The following TRAPPC9 variants were observed in gnomAD, a reference collection of about 807,000 sequenced individuals.
TRAPPC9 encodes trafficking protein particle complex subunit 9, also known as IKK2 binding protein.
A neutral mutation model predicts 124.0 loss-of-function variants in TRAPPC9; 83 were observed. The ratio of observed to expected loss-of-function variants is 0.67; its 90% confidence interval spans 0.56 to 0.80. TRAPPC9 has a LOEUF of 0.80. Ranked by LOEUF, TRAPPC9 falls within the 30% of genes least tolerant of loss-of-function variation. The pLI, the probability that TRAPPC9 is intolerant of heterozygous loss-of-function variation, is 0.00. For synonymous variants in TRAPPC9, 638 were observed against 617.5 expected (o/e 1.03, Z -0.49); for missense variants, 1,302 against 1,508.3 (o/e 0.86, Z 2.27).
At chr8:139,882,375 G>C (rs1231725669) in intron 21 of TRAPPC9, among the ~76,000 whole-genome samples, 1 of 152,096 alleles carries the variant, frequency 6.6e-6, no homozygotes, top group Non-Finnish European at 1.5e-5. Flanking sequence ...AGGACCCCTG[G>C]CTCCACCAAA....
chr8:140,098,475 G>A (rs1228065381), intron 17 of TRAPPC9: 1 of 152,084 alleles, frequency 6.6e-6, no homozygotes, highest in Non-Finnish European at 1.5e-5. Context: ...GCCCCCCAGG[G>A]TTCTCCGCTG....
intron 17 of TRAPPC9, among the ~76,000 whole-genome samples, chr8:140,200,517 T>A (rs140270239): frequency 1.5e-3 from 222 of 152,050 alleles, no homozygotes; most frequent in African/African-American, 5.2e-3. Context: ...AAGGTCAACA[T>A]CACCAACAAG....
chr8:140,143,998 A>C (rs547863313), intron 17 of TRAPPC9, among the ~76,000 whole-genome samples: 1 of 152,358 alleles, frequency 6.6e-6, no homozygotes, highest in East Asian at 1.9e-4. Flanking sequence ...AAACTTCTCT[A>C]TACCTATAAA....
At chr8:139,851,252 T>C (rs773348899) in intron 21 of TRAPPC9, among the ~76,000 whole-genome samples, 11 of 152,224 alleles carry the variant, frequency 7.2e-5, no homozygotes, top group Non-Finnish European at 5.9e-5. Context: ...AACAGCATAC[T>C]TTCTTGAACT....
At chr8:140,134,045 C>T (rs975378993) in intron 17 of TRAPPC9, among the ~76,000 whole-genome samples, 1 of 151,686 alleles carries the variant, frequency 6.6e-6, no homozygotes, top group Non-Finnish European at 1.5e-5. Context: ...AAAAAATGAC[C>T]CTCAATTTCT....
At position 140,383,391 on chromosome 8, in the gene TRAPPC9, T is replaced by C. The variant is rs117208833; in HGVS notation, c.1135-12211A>G. Among the ~76,000 whole-genome samples the C allele has an allele frequency of 2.7e-3, 408 of 152,188 alleles. 17 individuals carry two copies. The East Asian group carries it at 0.073, about 27-fold the overall frequency. ...AGCTAAAGGAGGAAGTTCGAACCCA[T>C]TGCAAAGAACTTAAACACCTTGAAA... On this transcript the variant is annotated intron_variant, in intron 7 of 22. Transcript: ENST00000438773.
intron 19 of TRAPPC9, among the ~76,000 whole-genome samples, chr8:139,942,631 A>G (rs1833983695): frequency 6.6e-6 from 1 of 152,224 alleles, no homozygotes; most frequent in African/African-American, 2.4e-5. Context: ...ATTACTATAA[A>G]TTCTGGACAC....
intron 17 of TRAPPC9, among the ~76,000 whole-genome samples, chr8:140,151,774 C>A (rs2061547038): frequency 6.6e-6 from 1 of 152,294 alleles, no homozygotes; most frequent in South Asian, 2.1e-4. Context: ...GCTAACTGCT[C>A]TCCTCACCTG....
At chr8:139,887,376 A>C (rs1051739385) in intron 20 of TRAPPC9, among the ~76,000 whole-genome samples, 21 of 151,952 alleles carry the variant, frequency 1.4e-4, no homozygotes, top group Admixed American at 2.0e-4. Context: ...ACCCGCCACC[A>C]TGCCCAGCTA....
rs375693879 is a variant in TRAPPC9, at chr8:139,742,131, G to A, written c.3056-9929C>T. Reference sequence around the variant, plus strand: ...AGGCGGCTGCACCCCCATTCCCAGCGGCGGTGCGGGAGAGGCCTGACTGCT... The same window carrying A: ...AGGCGGCTGCACCCCCATTCCCAGCAGCGGTGCGGGAGAGGCCTGACTGCT... On this transcript the variant is annotated intron_variant, in intron 21 of 22. Transcript: ENST00000438773. The surrounding 1 kb of genome is among the most constrained non-coding windows in gnomAD (Gnocchi z 4.7). Among the ~76,000 whole-genome samples, 45 of 152,328 alleles carry A rather than the reference G, an allele frequency of 3.0e-4. No individual in the cohort carries two copies. Among genetic ancestry groups the A allele is most frequent in the African/African-American group, 6.3e-4 (26 of 41,576 alleles).
At chr8:140,139,366 G>A (rs2061349401) in intron 17 of TRAPPC9, among the ~76,000 whole-genome samples, 1 of 152,136 alleles carries the variant, frequency 6.6e-6, no homozygotes, top group Non-Finnish European at 1.5e-5. Context: ...TGACTACACG[G>A]TGCTCACAGG....
intron 21 of TRAPPC9, among the ~76,000 whole-genome samples, chr8:139,783,084 T>C (rs878971350): frequency 6.6e-6 from 1 of 150,956 alleles, no homozygotes; most frequent in Non-Finnish European, 1.5e-5. Flanking sequence ...AATCACCTAT[T>C]AGAAAAAAAC....
chr8:139,909,306 T>C (rs1831560079), intron 20 of TRAPPC9, among the ~76,000 whole-genome samples: 2 of 152,154 alleles, frequency 1.3e-5, no homozygotes, highest in Admixed American at 6.5e-5. Flanking sequence ...TTAATAAACT[T>C]CTATCTACTT....
At position 140,451,142 on chromosome 8, in the gene TRAPPC9, C is replaced by T. The variant is rs762840909; in HGVS notation, c.232G>A (p.Val78Met). 5.0e-6 allele frequency: 8 copies of T among 1,613,920 alleles called. No homozygotes were observed. The highest frequency in any genetic ancestry group is 4.0e-5 in the African/African-American group (3 of 74,884). ...WGDFQTHRKV[V>M]GLITITDCFS... ...CAGTCTGTGATGGTGATGAGGCCCA[C>T]GACTTTGCGGTGGGTCTGGAAGTCA... Residue 78 changes from valine (V) to methionine (M), a missense_variant, in exon 2 of 23, where the codon GTG becomes ATG. By Grantham distance (21) the Val-to-Met change is conservative. Transcript: ENST00000438773.
intron 21 of TRAPPC9, among the ~76,000 whole-genome samples, chr8:139,741,248 T>A (rs1031758031): frequency 3.9e-5 from 6 of 152,306 alleles, no homozygotes; most frequent in African/African-American, 9.6e-5. Flanking sequence ...CCTCTGGTTG[T>A]CAACAATGCC....
chr8:139,844,693 G>C (rs984350409), intron 21 of TRAPPC9, among the ~76,000 whole-genome samples: 4 of 152,256 alleles, frequency 2.6e-5, no homozygotes, highest in Admixed American at 6.5e-5. Flanking sequence ...GCTGGTGGGA[G>C]TGGGGACTGG....
In TRAPPC9 at chr8:139,764,140, T is replaced by C. The variant is rs76920282; in HGVS notation, c.3056-31938A>G. Among the ~76,000 whole-genome samples, 316 of 152,148 alleles carry C rather than the reference T, an allele frequency of 2.1e-3. 2 individuals are homozygous for C. Among genetic ancestry groups the C allele is most frequent in the African/African-American group, 7.3e-3 (304 of 41,496 alleles). ...CACAGGTGTGGGGACTGTGTTGGCA[T>C]GGAGGCCACAGTGACACATCCACTG... On this transcript the variant is annotated intron_variant, in intron 21 of 22. Coordinates refer to ENST00000438773, the MANE Select transcript of TRAPPC9 (RefSeq NM_001160372.4).
intron 6 of TRAPPC9, among the ~76,000 whole-genome samples, chr8:140,398,899 G>T (rs921020296): frequency 1.3e-5 from 2 of 152,244 alleles, no homozygotes; most frequent in Non-Finnish European, 2.9e-5. Context: ...AGGCCTGGAG[G>T]CCTAGGAGGA....
intron 21 of TRAPPC9, among the ~76,000 whole-genome samples, chr8:139,816,384 T>C (rs1020210391): frequency 1.3e-5 from 2 of 152,202 alleles, no homozygotes; most frequent in East Asian, 3.9e-4. Context: ...AGAACGTTCC[T>C]TGCCAGCCCA....
Sources: allele counts gnomAD v4.1 joint callset (sites outside exome capture counted in the v4.1 genomes callset), GRCh38; gene constraint gnomAD v4.1.1; non-coding constraint Gnocchi (gnomAD v3.1); transcripts MANE v1.5; gene names NCBI Gene and HGNC (gene_info 2026-07-23, HGNC 2026-07-21).